Variants in RIF1 observed in about 807,000 individuals in gnomAD.
RIF1 encodes the protein telomere-associated protein RIF1.
In RIF1, 45 loss-of-function variants were observed where a neutral mutation model predicts 247.1. The ratio of observed to expected loss-of-function variants is 0.18; its 90% confidence interval spans 0.14 to 0.23. RIF1 has a LOEUF of 0.23. Among genes scored for constraint, RIF1 ranks in the 10% least tolerant of loss-of-function variants. The pLI is 1.00. For synonymous variants in RIF1, 1,087 were observed against 978.8 expected (o/e 1.11, Z -2.06); for missense variants, 2,967 against 2,862.5 (o/e 1.04, Z -0.83).
chr2:151,428,813 T>C lies in RIF1; in HGVS notation c.816T>C (p.Asn272=). The change falls in exon 9 of 36, where the codon AAT becomes AAC. Residue 272 remains asparagine (N), a synonymous_variant. Coordinates refer to ENST00000444746, the MANE Select transcript of RIF1 (RefSeq NM_018151.5). ...TGCATCGAAGTGGGAGTTTCATCAA[T>C]TCTCTCTTGCAACTAGAAGAACTTG... ...RTLHRSGSFI[N]SLLQLEELGF... 1 of 1,602,726 alleles carries C rather than the reference T, an allele frequency of 6.2e-7. No homozygotes were observed. Among genetic ancestry groups the C allele is most frequent in the Non-Finnish European group, 8.5e-7 (1 of 1,169,910 alleles).
chr2:151,505,759 G>A (rs1559332341), intron 12 of RIF1, among the ~76,000 whole-genome samples: 1 of 152,142 alleles, frequency 6.6e-6, no homozygotes, highest in Admixed American at 6.6e-5. Flanking sequence ...CCAAGGACAG[G>A]GACGCTTTGT....
chr2:151,530,103 T>C, the RIF1 span, among the ~76,000 whole-genome samples: 2 of 152,142 alleles, frequency 1.3e-5, no homozygotes, highest in African/African-American at 2.4e-5. Context: ...GCAAAAACTG[T>C]TTATCATCCA....
the RIF1 span, chr2:151,526,767 GC>G: frequency 6.4e-6 from 4 of 624,942 alleles, no homozygotes; most frequent in Non-Finnish European, 8.5e-6. Flanking sequence ...GACTGCTGGC[GC>G]CCCTCACAGG....
chr2:151,474,944 A>G lies in RIF1; in HGVS notation c.7292A>G (p.Glu2431Gly), dbSNP rs1025393129. Residue 2431 changes from glutamate to glycine, a missense_variant, in exon 36 of 36, where the codon GAA (glutamate) becomes GGA (glycine). Glu to Gly is a moderately conservative substitution (Grantham distance 98, BLOSUM62 -2). Transcript: ENST00000444746. The part of the protein sequence containing the change: ...ISALALQLDS[E>G]DLHNYSGSQL... Reference sequence around the variant, plus strand: ...GCTCTTGCTCTTCAGCTGGATTCAGAAGATCTTCATAATTATTCAGGAAGC... The same window carrying G: ...GCTCTTGCTCTTCAGCTGGATTCAGGAGATCTTCATAATTATTCAGGAAGC... 6.2e-7 allele frequency: 1 copy of G among 1,611,614 alleles called. No individual in the cohort carries two copies. Among genetic ancestry groups the G allele is most frequent in the Non-Finnish European group, 8.5e-7 (1 of 1,177,792 alleles).
intron 7 of RIF1, among the ~76,000 whole-genome samples, chr2:151,421,089 A>G (rs1403609930): frequency 6.6e-6 from 1 of 152,204 alleles, no homozygotes; most frequent in African/African-American, 2.4e-5. Flanking sequence ...TAGGTTTTCT[A>G]ACCATTGTTG....
rs143188259 is a variant in RIF1 at position 151,443,309 on chromosome 2, A to C, written c.1785A>C (p.Glu595Asp). The change falls in exon 17 of 36, where the codon GAA (glutamate) becomes GAC (aspartate). Residue 595 changes from glutamate to aspartate, a missense_variant. Coordinates refer to ENST00000444746, the MANE Select transcript of RIF1 (RefSeq NM_018151.5). ...AATTAATTTTCAACAATTTCTTGGA[A>C]TGTGGTGTATCAGATGAAAGGTAAG... ...LIQLIFNNFL[E>D]CGVSDERFFL... 1.9e-6 allele frequency: 3 copies of C among 1,598,878 alleles called. No homozygotes were observed. In the Admixed American group the frequency reaches 5.0e-5, roughly 27 times the overall value.
At chr2:151,439,481 A>G (rs2152361473) in intron 14 of RIF1, among the ~76,000 whole-genome samples, 1 of 151,244 alleles carries the variant, frequency 6.6e-6, no homozygotes, top group African/African-American at 2.4e-5. Context: ...TCTGACCAAC[A>G]TGGAGAAACC....
At chr2:151,435,702 A>G (rs1691045877) in intron 11 of RIF1, 122 bp downstream of exon 11, 1 of 589,248 alleles carries the variant, frequency 1.7e-6, no homozygotes, top group African/African-American at 1.8e-5. Flanking sequence ...TTCGTTTGAA[A>G]TGAAGCACTT....
chr2:151,438,536 TA>T, intron 13 of RIF1, 147 bp from the exon 14 acceptor site: 1 of 606,224 alleles, frequency 1.6e-6, no homozygotes, highest in South Asian at 2.0e-5. Context: ...TTTATAAACT[TA>T]CTACAGGGTT....
intron 3 of RIF1, among the ~76,000 whole-genome samples, chr2:151,413,707 T>C (rs1686685840): frequency 1.3e-5 from 2 of 152,236 alleles, no homozygotes; most frequent in South Asian, 4.1e-4. Context: ...CTATATCCCT[T>C]ACATTCTGTA....
rs774120551 is a variant in RIF1, at chr2:151,473,991, C to T, written c.7123C>T (p.Pro2375Ser). Residue 2375 changes from proline (P) to serine (S), a missense_variant, in exon 35 of 36, where the codon CCA (proline) becomes TCA (serine). By Grantham distance (74) the Pro-to-Ser change is moderately conservative. Transcript: ENST00000444746. ...QVKTRGLEEIPVFDISEKTVN... is the reference protein window; with the variant it reads ...QVKTRGLEEISVFDISEKTVN... ...GAAGACTCGTGGACTAGAAGAGATTCCAGTTTTTGATATTTCTGAAAAAAC... is the reference window on the plus strand; with the variant it reads ...GAAGACTCGTGGACTAGAAGAGATTTCAGTTTTTGATATTTCTGAAAAAAC... 6.3e-7 allele frequency: 1 copy of T among 1,595,036 alleles called. No homozygotes were observed. The highest frequency in any genetic ancestry group is 8.6e-7 in the Non-Finnish European group (1 of 1,165,540).
rs2049085459 is a variant in RIF1, at chr2:151,479,636, AT to A, written c.*4567del. 1 of 152,192 alleles carries A rather than the reference AT, an allele frequency of 6.6e-6. No individual in the cohort carries two copies. Among genetic ancestry groups the A allele is most frequent in the Non-Finnish European group, 1.5e-5 (1 of 68,022 alleles). 9.4% of individuals were successfully genotyped at this position (152,192 alleles called of 1,614,324 possible). ...CTCTGGTCACTTAATTTTCTGTTAT[AT>A]TATGTGGTTGAAAATTCCTGTTTCA... On this transcript the variant is annotated 3_prime_UTR_variant, in exon 36 of 36. Coordinates refer to ENST00000444746, the MANE Select transcript of RIF1 (RefSeq NM_018151.5).
At chr2:151,462,709 T>G (rs943011763) in intron 29 of RIF1, among the ~76,000 whole-genome samples, 175 bp from the exon 30 acceptor site, 5 of 152,110 alleles carry the variant, frequency 3.3e-5, no homozygotes, top group African/African-American at 9.7e-5. Context: ...TATTTACAAT[T>G]AGGAACACAA....
the RIF1 span, chr2:151,533,318 A>G: frequency 3.1e-6 from 2 of 654,248 alleles, no homozygotes; most frequent in Non-Finnish European, 5.3e-6. Flanking sequence ...ATGAATATTT[A>G]CATAGCTTTA....
At chr2:151,506,186 T>C in intron 12 of RIF1, 1 of 1,613,024 alleles carries the variant, frequency 6.2e-7, no homozygotes. Context: ...TGGTCCTGTG[T>C]TTGTTTCACT....
In RIF1 at chr2:151,464,001, G is replaced by A. The variant is rs757105592; in HGVS notation, c.4481G>A (p.Ser1494Asn). 1.9e-6 allele frequency: 3 copies of A among 1,608,952 alleles called. No individual in the cohort carries two copies. Among genetic ancestry groups the A allele is most frequent in the Admixed American group, 3.4e-5 (2 of 58,636 alleles). Residue 1494 changes from serine (S) to asparagine (N), a missense_variant, in exon 30 of 36, where the codon AGT becomes AAT. Ser to Asn is a conservative substitution (Grantham distance 46). Transcript: ENST00000444746. ...CATGAGAAGACTCTTGGGGAAACTAGTGCTAATGCAGAAACTGAACAAAAT... is the reference window on the plus strand; with the variant it reads ...CATGAGAAGACTCTTGGGGAAACTAATGCTAATGCAGAAACTGAACAAAAT... ...NLHEKTLGET[S>N]ANAETEQNKK...
At chr2:151,515,593 C>T in the RIF1 span, among the ~76,000 whole-genome samples, 1 of 152,148 alleles carries the variant, frequency 6.6e-6, no homozygotes, top group African/African-American at 2.4e-5. Context: ...GTCCACTCTG[C>T]CTCCCTGCCC....
At position 151,481,422 on chromosome 2, in the gene RIF1, G is replaced by A. The variant is rs2049162799; in HGVS notation, c.*6351G>A. ...AGTTACGTATTTGCCATGATGTTAAGGGACCTTGATGGTCTGTGAATTATC... is the reference window on the plus strand; with the variant it reads ...AGTTACGTATTTGCCATGATGTTAAAGGACCTTGATGGTCTGTGAATTATC... On this transcript the variant is annotated 3_prime_UTR_variant, in exon 36 of 36. Coordinates refer to ENST00000444746, the MANE Select transcript of RIF1 (RefSeq NM_018151.5). 6.6e-6 allele frequency: 1 copy of A among 152,122 alleles called. No individual in the cohort carries two copies. Among genetic ancestry groups the A allele is most frequent in the African/African-American group, 2.4e-5 (1 of 41,422 alleles). 9.4% of individuals were successfully genotyped at this position (152,122 alleles called of 1,614,324 possible).
intron 29 of RIF1, 39 bp downstream of exon 29, chr2:151,462,505 A>G (rs1574123002): frequency 6.8e-6 from 9 of 1,324,784 alleles, no homozygotes; most frequent in Non-Finnish European, 9.5e-6. Context: ...TTTTAGAATC[A>G]CCCTTCCATT....
Sources: gnomAD v4.1 joint callset for allele counts (sites outside exome capture counted in the v4.1 genomes callset) on GRCh38, gnomAD v4.1.1 for gene constraint, MANE v1.5 for transcripts, NCBI Gene and HGNC (gene_info 2026-07-23, HGNC 2026-07-21) for gene names.